Variants in LRP5 observed in about 807,000 individuals in gnomAD.
The protein encoded by LRP5 is low-density lipoprotein receptor-related protein 5.
In LRP5, 62 loss-of-function variants were observed where a neutral mutation model predicts 154.1. The observed-to-expected ratio is 0.40, with a 90% CI of 0.33 to 0.50. The LOEUF (loss-of-function observed/expected upper bound fraction) is 0.50. Ranked by LOEUF, LRP5 falls within the 20% of genes least tolerant of loss-of-function variation. The pLI is 0.55. For missense variants in LRP5, 1,915 were observed against 2,336.7 expected, an observed-to-expected ratio of 0.82 and a Z score of 3.72; for synonymous variants, 966 against 1,011.5, an observed-to-expected ratio of 0.96 and a Z score of 0.85.
At chr11:68,299,885 T>G in the LRP5 span, among the ~76,000 whole-genome samples, 22 of 148,554 alleles carry the variant, frequency 1.5e-4, 4 homozygotes, top group Non-Finnish European at 3.2e-4. Flanking sequence ...GCTCCGCCTT[T>G]TTTTGTTTAT....
At chr11:68,390,358 A>G (rs2098645617) in intron 7 of LRP5, among the ~76,000 whole-genome samples, 1 of 152,244 alleles carries the variant, frequency 6.6e-6, no homozygotes, top group East Asian at 1.9e-4. Flanking sequence ...CAAAGGGGAC[A>G]CAGGAATCCT....
chr11:68,317,844 A>G (rs1359220514), intron 1 of LRP5, among the ~76,000 whole-genome samples: 1 of 151,746 alleles, frequency 6.6e-6, no homozygotes, highest in African/African-American at 2.4e-5. Context: ...TTTCTAATAG[A>G]GCCTGATGGG....
At position 68,410,077 on chromosome 11, in the gene LRP5, G is replaced by T; in HGVS notation, c.2255G>T (p.Arg752Leu). The T allele has an allele frequency of 6.2e-7, 1 of 1,614,000 alleles. No homozygotes were observed. The highest frequency in any genetic ancestry group is 8.5e-7 in the Non-Finnish European group (1 of 1,180,028). ...GTGGCGCGGCTGGACGGGCAGTTCC[G>T]GCAAGTCCTCGTGTGGAGGGACTTG... ...IEVARLDGQF[R>L]QVLVWRDLDN... Residue 752 changes from arginine to leucine, a missense_variant, in exon 10 of 23, where the codon CGG becomes CTG. By Grantham distance (102) the Arg-to-Leu change is moderately radical (BLOSUM62 -2). Transcript: ENST00000294304.
intron 21 of LRP5, among the ~76,000 whole-genome samples, chr11:68,445,340 TCCGC>T (rs2098680828): frequency 6.6e-6 from 1 of 152,142 alleles, no homozygotes; most frequent in Non-Finnish European, 1.5e-5. Context: ...CCTCAAGTGA[TCCGC>T]CCGCCTCGGC....
chr11:68,347,787 C>T (rs1358003184), intron 1 of LRP5, 60 bp from the exon 2 acceptor site: 1 of 1,595,256 alleles, frequency 6.3e-7, no homozygotes. Context: ...TGCTCCATCC[C>T]AGGGCTGTGT....
chr11:68,423,754 T>G lies in LRP5; in HGVS notation c.3236+57T>G. On this transcript the variant is annotated intron_variant, in intron 14 of 22. Transcript: ENST00000294304. This position sits in a 1 kb window ranked among gnomAD's most constrained non-coding sequence, Gnocchi z 4.7. ...CCCGTCCAGGCGTGCCCGCCGTGTC[T>G]TCTGCCGAATGCCAGCCTCTCACAG... 6.6e-7 allele frequency: 1 copy of G among 1,522,466 alleles called. No homozygotes were observed. The highest frequency in any genetic ancestry group is 1.4e-5 in the African/African-American group (1 of 73,606). 94.3% of individuals were successfully genotyped at this position (1,522,466 alleles called of 1,614,324 possible). A position where few individuals can be genotyped will look rare whatever the true frequency, so the allele number is the denominator to read the frequency against.
intron 2 of LRP5, among the ~76,000 whole-genome samples, 161 bp from the exon 3 acceptor site, chr11:68,357,489 A>G (rs1419519865): frequency 2.6e-5 from 4 of 152,250 alleles, no homozygotes; most frequent in African/African-American, 7.2e-5. Context: ...TTGATTGCCC[A>G]GCTTAAGGCA....
intron 5 of LRP5, among the ~76,000 whole-genome samples, chr11:68,366,512 G>A (rs928380368): frequency 1.3e-5 from 2 of 152,200 alleles, no homozygotes; most frequent in African/African-American, 4.8e-5. Flanking sequence ...TTGCTGGCTA[G>A]GGTCTGTGTT....
At chr11:68,443,544 CATAT>C (rs1157048489) in intron 21 of LRP5, among the ~76,000 whole-genome samples, 110 of 22,246 alleles carry the variant, frequency 4.9e-3, no homozygotes, top group South Asian at 9.1e-3. Flanking sequence ...TCTTTTATGG[CATAT>C]ATATATATAT....
At chr11:68,312,909 T>G in intron 1 of LRP5, 104 bp downstream of exon 1, 11 of 594,714 alleles carry the variant, frequency 1.8e-5, no homozygotes, top group Non-Finnish European at 2.3e-5. Flanking sequence ...GGAAGCGACT[T>G]GGCGAGTTGG....
chr11:68,399,360 A>C (rs182552792), intron 7 of LRP5, among the ~76,000 whole-genome samples: 3 of 152,164 alleles, frequency 2.0e-5, no homozygotes, highest in Non-Finnish European at 4.4e-5. Flanking sequence ...GACAGAGCCC[A>C]GACCCTGCCT....
At chr11:68,415,024 C>G (rs899753386) in intron 12 of LRP5, among the ~76,000 whole-genome samples, 1 of 152,230 alleles carries the variant, frequency 6.6e-6, no homozygotes, top group Non-Finnish European at 1.5e-5. Flanking sequence ...GCCGGCAGTA[C>G]CTGGTGCAAC....
rs561523648 is a variant in LRP5 at position 68,423,005 on chromosome 11, C to T, written c.3028-484C>T. Among the ~76,000 whole-genome samples the T allele has an allele frequency of 2.6e-4, 39 of 152,120 alleles. No individual in the cohort carries two copies. The highest frequency in any genetic ancestry group is 4.7e-4 in the Non-Finnish European group (32 of 68,018). Reference sequence around the variant, plus strand: ...CTGGTGCCCTGCAGAGAAAACAGTACGTGAGGGCCGCAGTCCAAAAGCTTG... The same window carrying T: ...CTGGTGCCCTGCAGAGAAAACAGTATGTGAGGGCCGCAGTCCAAAAGCTTG... On this transcript the variant is annotated intron_variant, in intron 13 of 22. Coordinates refer to ENST00000294304, the MANE Select transcript of LRP5 (RefSeq NM_002335.4). This position sits in a 1 kb window ranked among gnomAD's most constrained non-coding sequence, Gnocchi z 4.7.
chr11:68,441,406 C>T (rs771071473), intron 21 of LRP5, among the ~76,000 whole-genome samples: 29 of 152,212 alleles, frequency 1.9e-4, no homozygotes, highest in Non-Finnish European at 3.5e-4. Context: ...TGGCACCTGA[C>T]TGTGGTGGGC....
intron 7 of LRP5, among the ~76,000 whole-genome samples, chr11:68,402,710 G>C (rs1029755476): frequency 6.6e-6 from 1 of 152,228 alleles, no homozygotes. Flanking sequence ...GGAGCCCTCC[G>C]CCCATTGCTG....
intron 15 of LRP5, among the ~76,000 whole-genome samples, 195 bp downstream of exon 15, chr11:68,425,487 A>G (rs2098668245): frequency 1.3e-5 from 2 of 152,312 alleles, no homozygotes; most frequent in South Asian, 4.1e-4. Flanking sequence ...GAGGCAGAAA[A>G]TGAGTCTCAG....
chr11:68,444,929 C>T (rs2098680600), intron 21 of LRP5, among the ~76,000 whole-genome samples: 1 of 152,002 alleles, frequency 6.6e-6, no homozygotes, highest in Non-Finnish European at 1.5e-5. Context: ...CAGACTGGCT[C>T]TCTGGGCCAA....
At chr11:68,414,929 G>C (rs911471711) in intron 12 of LRP5, among the ~76,000 whole-genome samples, 1 of 152,190 alleles carries the variant, frequency 6.6e-6, no homozygotes, top group African/African-American at 2.4e-5. Context: ...TCCCTCCCTG[G>C]GGCCATGACC....
At chr11:68,417,648 T>C (rs928770423) in intron 13 of LRP5, among the ~76,000 whole-genome samples, 10 of 151,284 alleles carry the variant, frequency 6.6e-5, no homozygotes, top group African/African-American at 2.4e-4. Flanking sequence ...TTGAAACAAC[T>C]GCTAGGCTGG....
Sources: gnomAD v4.1 joint callset for allele counts (sites outside exome capture counted in the v4.1 genomes callset) on GRCh38, gnomAD v4.1.1 for gene constraint, Gnocchi (gnomAD v3.1) non-coding constraint, MANE v1.5 for transcripts, NCBI Gene and HGNC (gene_info 2026-07-23, HGNC 2026-07-21) for gene names.